The following EXOC4 variants were observed in gnomAD, a reference collection of about 807,000 sequenced individuals.
EXOC4 encodes the protein SEC8-like 1.
In EXOC4, 71 loss-of-function variants were observed where a neutral mutation model predicts 107.2. The observed-to-expected ratio is 0.66, with a 90% confidence interval of 0.55 to 0.81. EXOC4 has a LOEUF of 0.81. Ranked by LOEUF, EXOC4 falls within the 30% of genes least tolerant of loss-of-function variation. The pLI is 0.00. For synonymous variants in EXOC4, 456 were observed against 441.2 expected (o/e 1.03, Z -0.42); for missense variants, 1,108 against 1,189.6 (o/e 0.93, Z 1.01).
intron 11 of EXOC4, 28 bp from the exon 12 acceptor site, chr7:133,895,571 A>G: frequency 6.2e-7 from 1 of 1,608,774 alleles, no homozygotes; most frequent in Non-Finnish European, 8.5e-7. Flanking sequence ...CAGAAATCTC[A>G]TATCCTCTCT....
At chr7:134,009,842 G>A (rs1418801802) in intron 17 of EXOC4, 1 of 152,086 alleles carries the variant, frequency 6.6e-6, no homozygotes, top group Non-Finnish European at 1.5e-5. Flanking sequence ...CAGACAGTCT[G>A]GGGCCTGAAA....
intron 15 of EXOC4, 102 bp from the exon 16 acceptor site, chr7:134,004,810 T>C (rs890113130): frequency 1.0e-6 from 1 of 956,842 alleles, no homozygotes; most frequent in Non-Finnish European, 1.6e-6. Context: ...CTTACATTTA[T>C]TAATGATAAT....
At chr7:133,948,824 C>G (rs975196223) in intron 14 of EXOC4, among the ~76,000 whole-genome samples, 1 of 152,130 alleles carries the variant, frequency 6.6e-6, no homozygotes, top group African/African-American at 2.4e-5. Flanking sequence ...GACAAAAATC[C>G]AGACCACATC....
At chr7:133,938,829 G>A (rs1800362727) in intron 14 of EXOC4, among the ~76,000 whole-genome samples, 1 of 152,206 alleles carries the variant, frequency 6.6e-6, no homozygotes, top group African/African-American at 2.4e-5. Context: ...TGTTGAGACA[G>A]TCTCACTCTG....
At chr7:133,887,656 T>C (rs1276713656) in intron 11 of EXOC4, among the ~76,000 whole-genome samples, 2 of 152,122 alleles carry the variant, frequency 1.3e-5, no homozygotes, top group African/African-American at 2.4e-5. Context: ...ACCCCAGAGA[T>C]AGTTATCAAT....
At chr7:133,358,850 A>C (rs1242958084) in intron 6 of EXOC4, among the ~76,000 whole-genome samples, 1 of 152,114 alleles carries the variant, frequency 6.6e-6, no homozygotes, top group African/African-American at 2.4e-5. Context: ...CTAGAAGTAT[A>C]ATAGAAATTC....
At chr7:133,845,055 A>G (rs1176121655) in intron 11 of EXOC4, among the ~76,000 whole-genome samples, 1 of 152,206 alleles carries the variant, frequency 6.6e-6, no homozygotes, top group Non-Finnish European at 1.5e-5. Context: ...TAGACTCTAC[A>G]TCCTGGGAAC....
At chr7:133,852,071 C>A (rs561562276) in intron 11 of EXOC4, among the ~76,000 whole-genome samples, 205 of 152,206 alleles carry the variant, frequency 1.3e-3, no homozygotes, top group African/African-American at 4.4e-3. Flanking sequence ...ATTTGTTGCT[C>A]TTAAATTTTA....
At chr7:133,831,122 GC>G (rs1436961977) in intron 11 of EXOC4, among the ~76,000 whole-genome samples, 4 of 151,990 alleles carry the variant, frequency 2.6e-5, no homozygotes, top group African/African-American at 9.7e-5. Context: ...CCGCCACCAC[GC>G]CTAGCTAATT....
At chr7:133,546,879 C>A (rs950295577) in intron 9 of EXOC4, among the ~76,000 whole-genome samples, 1 of 151,922 alleles carries the variant, frequency 6.6e-6, no homozygotes, top group African/African-American at 2.4e-5. Flanking sequence ...TATTTTCTTC[C>A]CTATCTCATA....
chr7:133,888,171 G>A (rs1329925294), intron 11 of EXOC4, among the ~76,000 whole-genome samples: 2 of 134,570 alleles, frequency 1.5e-5, no homozygotes, highest in African/African-American at 6.5e-5. Context: ...GCATGCAAGT[G>A]TAACTCGTAA....
intron 5 of EXOC4, among the ~76,000 whole-genome samples, chr7:133,351,504 A>G (rs1584842202): frequency 6.6e-6 from 1 of 152,058 alleles, no homozygotes; most frequent in African/African-American, 2.4e-5. Context: ...TACTCTGTTT[A>G]ATTTATTTCT....
At chr7:133,598,180 A>G (rs1018353168) in intron 9 of EXOC4, among the ~76,000 whole-genome samples, 2 of 152,194 alleles carry the variant, frequency 1.3e-5, no homozygotes, top group African/African-American at 4.8e-5. Context: ...TTACCTAACT[A>G]CAAGGGAGGG....
intron 7 of EXOC4, among the ~76,000 whole-genome samples, chr7:133,445,298 C>T (rs1205360421): frequency 2.0e-5 from 3 of 152,082 alleles, no homozygotes; most frequent in South Asian, 2.1e-4. Flanking sequence ...ATGGCTGGAA[C>T]GTGTGTCAAG....
At chr7:133,636,188 G>T (rs890601150) in intron 10 of EXOC4, among the ~76,000 whole-genome samples, 2 of 151,926 alleles carry the variant, frequency 1.3e-5, no homozygotes, top group Admixed American at 1.3e-4. Flanking sequence ...ACAGTGTCTT[G>T]GTAGGTAAAG....
chr7:133,405,838 A>G (rs1479487609), intron 7 of EXOC4, among the ~76,000 whole-genome samples: 2 of 152,194 alleles, frequency 1.3e-5, no homozygotes, highest in Non-Finnish European at 1.5e-5. Context: ...AAAATATTGT[A>G]CTATATTGAA....
chr7:133,947,026 T>A (rs1171893841), intron 14 of EXOC4, among the ~76,000 whole-genome samples: 1 of 152,220 alleles, frequency 6.6e-6, no homozygotes, highest in Non-Finnish European at 1.5e-5. Context: ...GACTTTGAAG[T>A]CTGACGAACT....
chr7:133,737,909 C>CTTTTT (rs10673346), intron 10 of EXOC4, among the ~76,000 whole-genome samples: 2,816 of 89,094 alleles, frequency 0.032, 166 homozygotes, highest in East Asian at 0.086. Context: ...ATTTTTCTTT[C>CTTTTT]TTTTTTTTTT....
At chr7:133,489,223 G>A (rs1407724253) in intron 9 of EXOC4, among the ~76,000 whole-genome samples, 1 of 151,810 alleles carries the variant, frequency 6.6e-6, no homozygotes, top group Non-Finnish European at 1.5e-5. Context: ...GATCTCGTGG[G>A]GATTCAAAGA....
Sources: allele counts gnomAD v4.1 joint callset (sites outside exome capture counted in the v4.1 genomes callset), GRCh38; gene constraint gnomAD v4.1.1; transcripts MANE v1.5; gene names NCBI Gene and HGNC (gene_info 2026-07-23, HGNC 2026-07-21).